The following SYCP1 variants were observed in gnomAD, a reference collection of about 807,000 sequenced individuals.
SYCP1 encodes cancer/testis antigen 8.
A neutral mutation model predicts 153.1 loss-of-function variants in SYCP1; 64 were observed. The observed-to-expected ratio is 0.42, with a 90% confidence interval of 0.34 to 0.51. The LOEUF is 0.51. Among genes scored for constraint, SYCP1 ranks in the 20% least tolerant of loss-of-function variants. The pLI, the probability that SYCP1 is intolerant of heterozygous loss-of-function variation, is 0.06. For missense variants in SYCP1, 997 were observed against 1,049.0 expected (o/e 0.95, Z 0.68); for synonymous variants, 384 against 341.8 (o/e 1.12, Z -1.36).
intron 16 of SYCP1, among the ~76,000 whole-genome samples, chr1:114,902,821 C>T (rs192229938): frequency 3.3e-5 from 5 of 152,198 alleles, no homozygotes; most frequent in Non-Finnish European, 7.4e-5. Context: ...AATAATTGTA[C>T]ATATTTCATA....
chr1:114,978,603 C>T (rs3820631), intron 28 of SYCP1, among the ~76,000 whole-genome samples: 9,215 of 151,638 alleles, frequency 0.061, 317 homozygotes, highest in Middle Eastern at 0.14. Context: ...ATTTTCTTTA[C>T]ATATAGTGAT....
At position 114,961,229 on chromosome 1, in the gene SYCP1, T is replaced by C. The variant is rs181601341; in HGVS notation, c.2322+13909T>C. ...TCATTTCTGATTGAGCTTATTTGAA[T>C]CTTCTCTTTTCTTGGTTAATCTCAC... On this transcript the variant is annotated intron_variant, in intron 27 of 31. Transcript: ENST00000369522. Among the ~76,000 whole-genome samples the C allele has an allele frequency of 5.3e-5, 8 of 152,328 alleles. No individual in the cohort carries two copies. In the East Asian group the frequency reaches 1.5e-3, roughly 29 times the overall value.
chr1:114,859,783 T>C lies in SYCP1; in HGVS notation c.497T>C (p.Ile166Thr). 1 of 771,958 alleles carries C rather than the reference T, an allele frequency of 1.3e-6. No homozygotes were observed. Among genetic ancestry groups the C allele is most frequent in the Non-Finnish European group, 1.9e-6 (1 of 539,716 alleles). 47.8% of individuals were successfully genotyped at this position (771,958 alleles called of 1,614,324 possible). A position where few individuals can be genotyped will look rare whatever the true frequency, so the allele number is the denominator to read the frequency against. The change falls in exon 7 of 32, where the codon ATA (isoleucine) becomes ACA (threonine). Residue 166 changes from isoleucine (I) to threonine (T), a missense_variant. Transcript: ENST00000369522. ...EKVSLKLEEG[I>T]QENKDLIKEN... ...GTAAGTTTGAAATTAGAAGAAGGAA[T>C]ACAAGAAAATAAAGATTTAATAAAA...
intron 2 of SYCP1, 108 bp downstream of exon 2, chr1:114,855,680 G>A: frequency 1.1e-6 from 1 of 874,574 alleles, no homozygotes; most frequent in South Asian, 1.9e-5. Context: ...CTCAATAAAT[G>A]GTCTCATTTA....
At chr1:114,994,549 C>T in intron 30 of SYCP1, 149 bp from the exon 31 acceptor site, 1 of 465,424 alleles carries the variant, frequency 2.1e-6, no homozygotes, top group Admixed American at 4.1e-5. Flanking sequence ...AATCTTCTTT[C>T]TCTTTCCTCC....
chr1:114,894,765 G>A lies in SYCP1; in HGVS notation c.1259-683G>A, dbSNP rs146488015. On this transcript the variant is annotated intron_variant, in intron 15 of 31. Transcript: ENST00000369522. The stretch of plus-strand genomic sequence containing the variant: ...GACTTAAGAATTGTATCACAAAATG[G>A]TTATTGGTGATCCTTAAGATGACAA... 2.8e-4 allele frequency among the ~76,000 whole-genome samples: 42 copies of A among 152,152 alleles called. No homozygotes were observed. In the East Asian group the frequency reaches 7.5e-3, roughly 27 times the overall value.
intron 8 of SYCP1, among the ~76,000 whole-genome samples, chr1:114,863,847 T>C (rs1664539311): frequency 6.6e-6 from 1 of 151,940 alleles, no homozygotes; most frequent in South Asian, 2.1e-4. Context: ...CTGGAAACCA[T>C]CATTCTCAGC....
chr1:114,933,714 C>T (rs545265753), intron 23 of SYCP1, among the ~76,000 whole-genome samples: 5 of 152,240 alleles, frequency 3.3e-5, no homozygotes, highest in East Asian at 3.9e-4. Flanking sequence ...CTTAAATGAC[C>T]GGATGGAGCT....
At chr1:114,945,108 C>A (rs990279819) in intron 25 of SYCP1, 126 bp downstream of exon 25, 10 of 675,520 alleles carry the variant, frequency 1.5e-5, no homozygotes, top group Non-Finnish European at 2.1e-5. Context: ...CAGTGACTGT[C>A]TATAGCTAGA....
intron 27 of SYCP1, among the ~76,000 whole-genome samples, chr1:114,971,654 A>G (rs1177633450): frequency 6.6e-6 from 1 of 152,134 alleles, no homozygotes; most frequent in East Asian, 1.9e-4. Flanking sequence ...AAGGGATGTT[A>G]AATTTTATCA....
chr1:114,966,337 G>A (rs960653291), intron 27 of SYCP1, among the ~76,000 whole-genome samples: 22 of 151,244 alleles, frequency 1.5e-4, no homozygotes, highest in African/African-American at 4.9e-4. Context: ...TTCATGTCTC[G>A]ATGTCCTTCA....
Position 114,874,570 on chromosome 1 carries a change from T to C in SYCP1, c.657+6T>C. 6.5e-7 allele frequency: 1 copy of C among 1,550,022 alleles called. No individual in the cohort carries two copies. Among genetic ancestry groups the C allele is most frequent in the Non-Finnish European group, 8.8e-7 (1 of 1,142,462 alleles). ...ATCTAAATAATAACATTGAGGTGAGTGTTAATGAAATCTGAGTATTTTAAA... is the reference window on the plus strand; with the variant it reads ...ATCTAAATAATAACATTGAGGTGAGCGTTAATGAAATCTGAGTATTTTAAA... On this transcript the variant is annotated splice_donor_region_variant and intron_variant, in intron 9 of 31. Transcript: ENST00000369522.
intron 27 of SYCP1, among the ~76,000 whole-genome samples, chr1:114,954,348 A>T (rs535297971): frequency 2.0e-5 from 3 of 151,930 alleles, no homozygotes; most frequent in Non-Finnish European, 2.9e-5. Flanking sequence ...CAGAAACATG[A>T]TTGATTTTTG....
intron 16 of SYCP1, among the ~76,000 whole-genome samples, chr1:114,901,826 C>G (rs1278893974): frequency 1.3e-5 from 2 of 152,092 alleles, no homozygotes; most frequent in East Asian, 1.9e-4. Flanking sequence ...AAGAAAAAAA[C>G]CTGGTTTAAA....
At chr1:114,917,553 C>G (rs898744552) in intron 20 of SYCP1, among the ~76,000 whole-genome samples, 2 of 152,076 alleles carry the variant, frequency 1.3e-5, no homozygotes, top group Non-Finnish European at 2.9e-5. Context: ...TGAGGAACCT[C>G]CAAGCCATTC....
Position 114,912,366 on chromosome 1 carries a change from A to C in SYCP1, c.1530-667A>C, listed in dbSNP as rs534375237. On this transcript the variant is annotated intron_variant, in intron 18 of 31. Transcript: ENST00000369522. ...AAACACTTTATCTCCTCTTTGATGAATTTCCAGTATCATTAAGTAGAAATA... is the reference window on the plus strand; with the variant it reads ...AAACACTTTATCTCCTCTTTGATGACTTTCCAGTATCATTAAGTAGAAATA... Among the ~76,000 whole-genome samples the C allele has an allele frequency of 3.2e-4, 49 of 152,030 alleles. No homozygotes were observed. In the South Asian group the frequency reaches 9.3e-3, roughly 29 times the overall value.
chr1:114,963,096 C>T (rs1671882385), intron 27 of SYCP1, among the ~76,000 whole-genome samples: 1 of 152,166 alleles, frequency 6.6e-6, no homozygotes, highest in Non-Finnish European at 1.5e-5. Flanking sequence ...CCTCACAGCT[C>T]TTAAGATTCT....
Position 114,994,721 on chromosome 1 carries a change from A to G in SYCP1, c.2727A>G (p.Thr909=), listed in dbSNP as rs1282403557. 2 of 1,572,200 alleles carry G rather than the reference A, an allele frequency of 1.3e-6. No homozygotes were observed. The highest frequency in any genetic ancestry group is 8.6e-7 in the Non-Finnish European group (1 of 1,166,052). The change falls in exon 31 of 32, where the codon ACA becomes ACG. Residue 909 remains threonine (T), a synonymous_variant. Coordinates refer to ENST00000369522, the MANE Select transcript of SYCP1 (RefSeq NM_003176.4). The part of the protein sequence containing the change: ...DLLSMVSEEE[T]LKTLYRNNNP... ...AGAGCATGGTTTCAGAAGAAGAGAC[A>G]TTGAAAACACTGTATAGGAACAATA...
chr1:114,861,924 C>A (rs188158965), intron 8 of SYCP1, among the ~76,000 whole-genome samples: 86 of 150,942 alleles, frequency 5.7e-4, no homozygotes, highest in Middle Eastern at 3.4e-3. Flanking sequence ...CTCAGCCTCG[C>A]GAGTAGCTGG....
Sources: allele counts gnomAD v4.1 joint callset (sites outside exome capture counted in the v4.1 genomes callset), GRCh38; gene constraint gnomAD v4.1.1; transcripts MANE v1.5; gene names NCBI Gene and HGNC (gene_info 2026-07-23, HGNC 2026-07-21).